Variants in NTNG1 observed in about 807,000 individuals in gnomAD.
NTNG1 encodes netrin-G1.
NTNG1 carries 16 observed loss-of-function variants against 54.0 expected under a neutral mutation model. The ratio of observed to expected loss-of-function variants is 0.30; its 90% confidence interval spans 0.20 to 0.45. NTNG1 has a LOEUF of 0.45. Ranked by LOEUF, NTNG1 falls within the 20% of genes least tolerant of loss-of-function variation. NTNG1 has a pLI of 1.00. For missense variants in NTNG1, 530 were observed against 678.7 expected (o/e 0.78, Z 2.43); for synonymous variants, 255 against 263.1 (o/e 0.97, Z 0.30).
chr1:107,270,850 A>G (rs1664098944), intron 2 of NTNG1, among the ~76,000 whole-genome samples: 1 of 152,048 alleles, frequency 6.6e-6, no homozygotes, highest in African/African-American at 2.4e-5. Context: ...TGTTTGCATA[A>G]TATAATATTT....
At chr1:107,173,980 G>A (rs1458934723) in intron 2 of NTNG1, among the ~76,000 whole-genome samples, 1 of 151,830 alleles carries the variant, frequency 6.6e-6, no homozygotes, top group Non-Finnish European at 1.5e-5. Flanking sequence ...GGATTAATGT[G>A]GCATAAAAAG....
At position 107,234,660 on chromosome 1, in the gene NTNG1, T is replaced by C. The variant is rs369117845; in HGVS notation, c.246+85821T>C. The stretch of plus-strand genomic sequence containing the variant: ...TACAGCCAAAAAATTACAGAAGCAA[T>C]ATTTGAATTTCTCTTCTTCCCACTC... On this transcript the variant is annotated intron_variant, in intron 2 of 7. Coordinates refer to ENST00000370068, the MANE Select transcript of NTNG1 (RefSeq NM_001113226.3). Among the ~76,000 whole-genome samples the C allele has an allele frequency of 1.7e-3, 261 of 152,240 alleles. 1 individual carries two copies. The highest frequency in any genetic ancestry group is 0.014 in the Middle Eastern group (4 of 294).
rs566498705 is a variant in NTNG1 at position 107,357,909 on chromosome 1, T to A, written c.887+32987T>A. Among the ~76,000 whole-genome samples the A allele has an allele frequency of 1.2e-3, 180 of 152,322 alleles. 1 individual carries two copies. The highest frequency in any genetic ancestry group is 4.2e-3 in the African/African-American group (174 of 41,568). On this transcript the variant is annotated intron_variant, in intron 3 of 7. Transcript: ENST00000370068. ...AATATTAAAGTTGCACTTGGTTTCA[T>A]ATATCTAAGGAACATTTGAAACTGT...
rs1212401116 is a variant in NTNG1 at position 107,482,052 on chromosome 1, C to T, written c.*1212C>T. Reference sequence around the variant, plus strand: ...TATTTCCACTTGGGAAAAATTACAACAGCAAAAAAAAAAAAAAAAAAAAAA... The same window carrying T: ...TATTTCCACTTGGGAAAAATTACAATAGCAAAAAAAAAAAAAAAAAAAAAA... On this transcript the variant is annotated 3_prime_UTR_variant, in exon 8 of 8. Coordinates refer to ENST00000370068, the MANE Select transcript of NTNG1 (RefSeq NM_001113226.3). 1 of 22,426 alleles carries T rather than the reference C, an allele frequency of 4.5e-5. No individual in the cohort carries two copies. Among genetic ancestry groups the T allele is most frequent in the Non-Finnish European group, 9.1e-5 (1 of 10,932 alleles). 1.4% of individuals were successfully genotyped at this position (22,426 alleles called of 1,614,324 possible).
At chr1:107,246,970 T>C (rs1662244970) in intron 2 of NTNG1, among the ~76,000 whole-genome samples, 3 of 84,318 alleles carry the variant, frequency 3.6e-5, no homozygotes, top group African/African-American at 8.2e-5. Flanking sequence ...TATCTGCCAC[T>C]TCTCTGTGGC....
At chr1:107,439,741 G>T (rs938789465) in intron 7 of NTNG1, among the ~76,000 whole-genome samples, 1 of 151,924 alleles carries the variant, frequency 6.6e-6, no homozygotes, top group South Asian at 2.1e-4. Flanking sequence ...CCTTCCCCTG[G>T]GATCTCTTGG....
At chr1:107,451,548 G>A (rs1340815170) in intron 7 of NTNG1, among the ~76,000 whole-genome samples, 3 of 152,172 alleles carry the variant, frequency 2.0e-5, no homozygotes, top group East Asian at 1.9e-4. Context: ...TCTTGGTTTC[G>A]TCTGCATTTG....
At chr1:107,457,739 C>A (rs1174208764) in intron 7 of NTNG1, among the ~76,000 whole-genome samples, 1 of 151,958 alleles carries the variant, frequency 6.6e-6, no homozygotes, top group African/African-American at 2.4e-5. Context: ...ATTATTTATG[C>A]CAGTAGACTT....
chr1:107,320,883 G>A (rs1440631990), intron 2 of NTNG1, among the ~76,000 whole-genome samples: 3 of 151,988 alleles, frequency 2.0e-5, no homozygotes, highest in African/African-American at 4.8e-5. Context: ...GTCATTTGGT[G>A]TAGATTCTCA....
chr1:107,435,198 C>T (rs1373336), intron 6 of NTNG1, among the ~76,000 whole-genome samples: 65,572 of 151,774 alleles, frequency 0.43, 15,310 homozygotes, highest in Non-Finnish European at 0.52. Context: ...ATTACAGTTT[C>T]GATATAGGTA....
intron 2 of NTNG1, among the ~76,000 whole-genome samples, chr1:107,186,246 C>G (rs1657450680): frequency 6.6e-6 from 1 of 152,166 alleles, no homozygotes; most frequent in African/African-American, 2.4e-5. Context: ...CACTTGCCTC[C>G]TTTGCCACCC....
chr1:107,204,509 C>G (rs758344469), intron 2 of NTNG1, among the ~76,000 whole-genome samples: 3 of 152,082 alleles, frequency 2.0e-5, no homozygotes, highest in Non-Finnish European at 2.9e-5. Context: ...TCCCAACCTT[C>G]CAGCCATCTC....
intron 2 of NTNG1, among the ~76,000 whole-genome samples, chr1:107,297,993 T>C (rs1337248586): frequency 6.6e-6 from 1 of 152,104 alleles, no homozygotes; most frequent in East Asian, 1.9e-4. Flanking sequence ...AGACCTGACA[T>C]TGCAGATAAT....
intron 7 of NTNG1, among the ~76,000 whole-genome samples, chr1:107,441,376 T>C (rs905812381): frequency 6.6e-6 from 1 of 151,862 alleles, no homozygotes; most frequent in African/African-American, 2.4e-5. Context: ...TGTTAACTTG[T>C]GTGAATACTA....
chr1:107,344,257 G>T (rs1441472740), intron 3 of NTNG1, among the ~76,000 whole-genome samples: 1 of 152,132 alleles, frequency 6.6e-6, no homozygotes, highest in Non-Finnish European at 1.5e-5. Context: ...TTAATTACAG[G>T]GAACAGGAGG....
chr1:107,433,192 G>A (rs1160205832), intron 6 of NTNG1, among the ~76,000 whole-genome samples: 1 of 152,086 alleles, frequency 6.6e-6, no homozygotes, highest in African/African-American at 2.4e-5. Flanking sequence ...TTTTGTACTT[G>A]AAACCAAGCG....
chr1:107,226,774 G>A (rs116608354), intron 2 of NTNG1, among the ~76,000 whole-genome samples: 2 of 152,058 alleles, frequency 1.3e-5, no homozygotes, highest in Admixed American at 6.6e-5. Context: ...AGATACCAAA[G>A]ACTATCAGCT....
chr1:107,385,516 C>T (rs1265928361), intron 3 of NTNG1, among the ~76,000 whole-genome samples: 1 of 151,962 alleles, frequency 6.6e-6, no homozygotes, highest in African/African-American at 2.4e-5. Flanking sequence ...ATGGCCACAC[C>T]TAGCTAGAGA....
chr1:107,280,138 G>T (rs1664742509), intron 2 of NTNG1, among the ~76,000 whole-genome samples: 1 of 129,318 alleles, frequency 7.7e-6, no homozygotes, highest in African/African-American at 2.9e-5. Context: ...AAAGATGTAT[G>T]ATGTGTTTCG....
Sources: allele counts gnomAD v4.1 joint callset (sites outside exome capture counted in the v4.1 genomes callset), GRCh38; gene constraint gnomAD v4.1.1; transcripts MANE v1.5; gene names NCBI Gene and HGNC (gene_info 2026-07-23, HGNC 2026-07-21).